Variants in DLG2 observed in about 807,000 individuals in gnomAD.
The protein encoded by DLG2 is discs large MAGUK scaffold protein 2.
A neutral mutation model predicts 132.5 loss-of-function variants in DLG2; 45 were observed. The observed-to-expected ratio is 0.34, with a 90% CI of 0.27 to 0.44. The LOEUF (loss-of-function observed/expected upper bound fraction) is 0.44, where lower values mean the gene tolerates loss of function less well. Among genes scored for constraint, DLG2 ranks in the 20% least tolerant of loss-of-function variants. The pLI is 1.00. For missense variants in DLG2, 1,045 were observed against 1,196.9 expected (o/e 0.87, Z 1.87); for synonymous variants, 424 against 419.6 (o/e 1.01, Z -0.13).
At chr11:84,365,586 T>A (rs2098677399) in intron 7 of DLG2, among the ~76,000 whole-genome samples, 1 of 150,560 alleles carries the variant, frequency 6.6e-6, no homozygotes, top group Admixed American at 6.6e-5. Context: ...CTTTTCTAGT[T>A]CTTTTAATTG....
At chr11:85,194,451 C>T (rs1471627531) in intron 4 of DLG2, among the ~76,000 whole-genome samples, 1 of 152,056 alleles carries the variant, frequency 6.6e-6, no homozygotes, top group African/African-American at 2.4e-5. Flanking sequence ...CTTCAAAGAA[C>T]AGTATTTACC....
At chr11:85,285,996 G>A in intron 3 of DLG2, 1 of 334,350 alleles carries the variant, frequency 3.0e-6, no homozygotes, top group South Asian at 2.3e-5. Context: ...GAAGTCAGAG[G>A]ATCCCAAGAT....
At chr11:84,151,111 C>T (rs923277198) in intron 9 of DLG2, among the ~76,000 whole-genome samples, 12 of 151,458 alleles carry the variant, frequency 7.9e-5, no homozygotes, top group East Asian at 1.9e-4. Context: ...ATCAGGATGA[C>T]GTTGGCTTTG....
intron 19 of DLG2, among the ~76,000 whole-genome samples, chr11:83,602,112 C>G (rs1306566648): frequency 1.3e-5 from 2 of 152,168 alleles, no homozygotes; most frequent in Non-Finnish European, 2.9e-5. Flanking sequence ...ATGAATGAAC[C>G]ACATGTTTCT....
intron 3 of DLG2, among the ~76,000 whole-genome samples, chr11:85,583,505 G>T (rs2078760142): frequency 6.6e-6 from 1 of 151,866 alleles, no homozygotes; most frequent in Admixed American, 6.6e-5. Flanking sequence ...ATTCTATATG[G>T]TATATCTGTA....
In DLG2 at chr11:84,661,603, G is replaced by A. The variant is rs58882065; in HGVS notation, c.358-126872C>T. Among the ~76,000 whole-genome samples, 245 of 152,246 alleles carry A rather than the reference G, an allele frequency of 1.6e-3. 1 individual carries two copies. Among genetic ancestry groups the A allele is most frequent in the African/African-American group, 5.7e-3 (236 of 41,556 alleles). On this transcript the variant is annotated intron_variant, in intron 6 of 27. Transcript: ENST00000376104. ...CACTTAATAATTCACTATGGACCAA[G>A]AGCTGAAGTACAAGCCAGGGATATA...
At chr11:84,500,742 A>G (rs1303644379) in intron 7 of DLG2, among the ~76,000 whole-genome samples, 1 of 152,184 alleles carries the variant, frequency 6.6e-6, no homozygotes, top group East Asian at 1.9e-4. Context: ...TCCAAGGTAC[A>G]CTGGGATCAG....
chr11:85,400,931 A>G (rs898252353), intron 3 of DLG2, among the ~76,000 whole-genome samples: 1 of 151,432 alleles, frequency 6.6e-6, no homozygotes, highest in Non-Finnish European at 1.5e-5. Flanking sequence ...TTAAAGTATA[A>G]TAATAATTAA....
At chr11:84,640,952 CA>C (rs34851864) in intron 6 of DLG2, among the ~76,000 whole-genome samples, 126 of 85,396 alleles carry the variant, frequency 1.5e-3, no homozygotes, top group East Asian at 3.5e-3. Context: ...AACAAACAAA[CA>C]AAAAAAAAAA....
At position 84,947,750 on chromosome 11, in the gene DLG2, G is replaced by A. The variant is rs547425628; in HGVS notation, c.357+163911C>T. ...TGGAGATTAATTTTATTTAGGATAA[G>A]CATTATTCTCAATTTACCAGGGTTA... is the stretch of plus-strand genomic sequence containing the variant. On this transcript the variant is annotated intron_variant, in intron 6 of 27. Transcript: ENST00000376104. Among the ~76,000 whole-genome samples, 3 of 152,306 alleles carry A rather than the reference G, an allele frequency of 2.0e-5. No individual in the cohort carries two copies. In the East Asian group the frequency reaches 5.8e-4, roughly 29 times the overall value.
rs76289510 is a variant in DLG2 at position 85,169,839 on chromosome 11, A to G, written c.187-15188T>C. ...CTTGGGAAGAGACACAGAAGGTCAA[A>G]AAGTCCTTGATTCTGAGGCCTTCTA... On this transcript the variant is annotated intron_variant, in intron 4 of 27. Transcript: ENST00000376104. 9.6e-3 allele frequency among the ~76,000 whole-genome samples: 1,463 copies of G among 152,312 alleles called. 21 individuals carry two copies. Among genetic ancestry groups the G allele is most frequent in the African/African-American group, 0.032 (1,323 of 41,558 alleles).
chr11:85,245,254 T>C (rs185036142), intron 4 of DLG2, among the ~76,000 whole-genome samples: 2 of 152,082 alleles, frequency 1.3e-5, no homozygotes, highest in East Asian at 1.9e-4. Flanking sequence ...GTATATCTAA[T>C]AGGAATTTCA....
At chr11:85,396,094 G>C (rs2087333140) in intron 3 of DLG2, among the ~76,000 whole-genome samples, 1 of 152,216 alleles carries the variant, frequency 6.6e-6, no homozygotes, top group African/African-American at 2.4e-5. Flanking sequence ...AATATTTGCT[G>C]TTCTGCAGCC....
chr11:83,960,929 T>A (rs2088538386), intron 14 of DLG2, among the ~76,000 whole-genome samples: 1 of 151,844 alleles, frequency 6.6e-6, no homozygotes, highest in Admixed American at 6.6e-5. Context: ...CACCAACCAT[T>A]CTGATTTTGT....
chr11:83,840,153 C>T (rs1267963117), intron 16 of DLG2, among the ~76,000 whole-genome samples: 1 of 152,178 alleles, frequency 6.6e-6, no homozygotes, highest in African/African-American at 2.4e-5. Flanking sequence ...TCTGAATCCC[C>T]AGGTACATAT....
intron 15 of DLG2, among the ~76,000 whole-genome samples, chr11:83,886,304 T>A (rs1038903350): frequency 2.0e-5 from 3 of 152,152 alleles, no homozygotes; most frequent in African/African-American, 4.8e-5. Context: ...AATCCTAGTC[T>A]CTGATAAAAC....
intron 10 of DLG2, among the ~76,000 whole-genome samples, chr11:84,094,917 T>C (rs1167876771): frequency 1.3e-5 from 2 of 152,096 alleles, no homozygotes; most frequent in Non-Finnish European, 2.9e-5. Flanking sequence ...GAAAACTGTG[T>C]TTAATTTATA....
At chr11:84,585,005 T>A (rs1382204550) in intron 6 of DLG2, among the ~76,000 whole-genome samples, 1 of 152,148 alleles carries the variant, frequency 6.6e-6, no homozygotes, top group Non-Finnish European at 1.5e-5. Flanking sequence ...TCCTTTAATG[T>A]AGTTGAGTTC....
chr11:84,004,050 A>G (rs1025288487), intron 11 of DLG2, among the ~76,000 whole-genome samples: 14 of 152,164 alleles, frequency 9.2e-5, no homozygotes, highest in African/African-American at 3.1e-4. Flanking sequence ...AAACAACTCC[A>G]TAAAAATTGA....
Sources: allele counts gnomAD v4.1 joint callset (sites outside exome capture counted in the v4.1 genomes callset), GRCh38; gene constraint gnomAD v4.1.1; transcripts MANE v1.5; gene names NCBI Gene and HGNC (gene_info 2026-07-23, HGNC 2026-07-21).